The following ANKRD26 variants were observed in gnomAD, a reference collection of about 807,000 sequenced individuals.
ANKRD26 encodes the protein ankyrin repeat domain-containing protein 26.
Under a neutral mutation model 208.7 loss-of-function variants are expected in ANKRD26, and 141 were observed. The ratio of observed to expected loss-of-function variants is 0.68; its 90% CI spans 0.59 to 0.78. The LOEUF is 0.78. Among genes scored for constraint, ANKRD26 ranks in the 30% least tolerant of loss-of-function variants. The pLI is 0.00. For synonymous variants in ANKRD26, 636 were observed against 660.4 expected (o/e 0.96, Z 0.57); for missense variants, 1,889 against 1,938.7 (o/e 0.97, Z 0.48).
At chr10:26,977,641 G>C (rs903490769) in intron 5 of ANKRD26, among the ~76,000 whole-genome samples, 1 of 152,180 alleles carries the variant, frequency 6.6e-6, no homozygotes, top group African/African-American at 2.4e-5. Context: ...ACTAAGGATT[G>C]ATTGCCTTGT....
intron 20 of ANKRD26, 108 bp from the exon 21 acceptor site, chr10:27,040,286 G>A (rs969263009): frequency 1.2e-6 from 1 of 801,834 alleles, no homozygotes; most frequent in African/African-American, 1.7e-5. Context: ...CATATTGAGG[G>A]CCTACAATGT....
exon 5 of ANKRD26, chr10:26,995,087 T>C (rs1284889412): frequency 4.2e-6 from 2 of 471,040 alleles, no homozygotes; most frequent in East Asian, 6.9e-5. Context: ...AGGTCTGTCC[T>C]GGAAGTGAGA....
At chr10:27,050,397 T>C (rs2054614194) in intron 16 of ANKRD26, among the ~76,000 whole-genome samples, 1 of 152,118 alleles carries the variant, frequency 6.6e-6, no homozygotes, top group African/African-American at 2.4e-5. Context: ...CCCAAACTTA[T>C]CATACTTTAT....
intron 27 of ANKRD26, 43 bp downstream of exon 27, chr10:27,028,809 A>G (rs2053765044): frequency 1.3e-6 from 2 of 1,491,412 alleles, no homozygotes; most frequent in Non-Finnish European, 1.9e-6. Context: ...CTAAAGCAAT[A>G]AAATTCCTTT....
At chr10:27,039,414 A>T (rs932929859) in intron 21 of ANKRD26, among the ~76,000 whole-genome samples, 1 of 151,624 alleles carries the variant, frequency 6.6e-6, no homozygotes, top group Non-Finnish European at 1.5e-5. Context: ...AGATTGCGCC[A>T]CTGCACTCCA....
At chr10:27,092,875 G>A (rs2056345612) in intron 3 of ANKRD26, among the ~76,000 whole-genome samples, 1 of 152,154 alleles carries the variant, frequency 6.6e-6, no homozygotes, top group Non-Finnish European at 1.5e-5. Flanking sequence ...CTGAGGTCAG[G>A]AGTTCGAGGC....
At chr10:27,097,105 C>T (rs996290001) in intron 1 of ANKRD26, among the ~76,000 whole-genome samples, 25 of 151,910 alleles carry the variant, frequency 1.6e-4, no homozygotes, top group African/African-American at 4.8e-5. Flanking sequence ...TTGCTTGAAC[C>T]CAGGAGATGG....
chr10:27,015,114 TA>T (rs1040968173), intron 30 of ANKRD26, among the ~76,000 whole-genome samples: 3 of 152,238 alleles, frequency 2.0e-5, no homozygotes, highest in African/African-American at 7.2e-5. Context: ...AAAAATCTTA[TA>T]AAAATTATTT....
At chr10:27,005,761 A>G in intron 33 of ANKRD26, 38 bp from the exon 34 acceptor site, 1 of 1,583,330 alleles carries the variant, frequency 6.3e-7, no homozygotes, top group Non-Finnish European at 8.6e-7. Context: ...CCTTACCTAA[A>G]AGATTTCATA....
At chr10:27,007,319 A>C (rs1257962387) in intron 32 of ANKRD26, among the ~76,000 whole-genome samples, 1 of 152,186 alleles carries the variant, frequency 6.6e-6, no homozygotes, top group Non-Finnish European at 1.5e-5. Flanking sequence ...GACCTTTATA[A>C]AGCTTAATCA....
intron 28 of ANKRD26, 116 bp from the exon 29 acceptor site, chr10:27,022,803 C>G (rs34918850): frequency 3.1e-6 from 3 of 961,362 alleles, no homozygotes; most frequent in African/African-American, 3.3e-5. Context: ...ATGATTCTCT[C>G]GTTTATTTCA....
At position 27,066,810 on chromosome 10, in the gene ANKRD26, AT is replaced by A. The variant is rs112423515; in HGVS notation, c.1208-263del. Among the ~76,000 whole-genome samples, 199 of 143,722 alleles carry A rather than the reference AT, an allele frequency of 1.4e-3. 1 individual carries two copies. The highest frequency in any genetic ancestry group is 7.1e-3 in the Middle Eastern group (2 of 282). 94.3% of individuals were successfully genotyped at this position (143,722 alleles called of 152,430 possible). ...ATGTTAATTGGTTGTCTTAGAATAG[AT>A]TTTTTTTTTTTTTTGAGACAGAGTC... is the stretch of plus-strand genomic sequence containing the variant. On this transcript the variant is annotated intron_variant, in intron 10 of 33. Transcript: ENST00000376087.
At chr10:27,053,066 G>A (rs1459644238) in intron 16 of ANKRD26, among the ~76,000 whole-genome samples, 1 of 152,028 alleles carries the variant, frequency 6.6e-6, no homozygotes, top group Non-Finnish European at 1.5e-5. Flanking sequence ...CAATACTCAG[G>A]AAATTTCTGG....
At chr10:26,959,219 A>G in the ANKRD26 span, among the ~76,000 whole-genome samples, 1 of 151,510 alleles carries the variant, frequency 6.6e-6, no homozygotes, top group Non-Finnish European at 1.5e-5. Flanking sequence ...CGGAGGTTGC[A>G]GTGAGCCGAG....
intron 29 of ANKRD26, among the ~76,000 whole-genome samples, chr10:27,020,810 C>T (rs1406439651): frequency 1.3e-5 from 2 of 152,070 alleles, no homozygotes; most frequent in Non-Finnish European, 2.9e-5. Context: ...AGGCGTGTGC[C>T]GCTATGTCCA....
chr10:26,966,150 A>G, the ANKRD26 span, among the ~76,000 whole-genome samples: 1 of 152,236 alleles, frequency 6.6e-6, no homozygotes, highest in African/African-American at 2.4e-5. Flanking sequence ...CCAAAGGGCT[A>G]TAAGTCATTC....
chr10:27,018,296 G>A lies in ANKRD26; in HGVS notation c.4216-504C>T, dbSNP rs559990627. 2.6e-3 allele frequency among the ~76,000 whole-genome samples: 399 copies of A among 151,686 alleles called. 2 individuals carry two copies. Among genetic ancestry groups the A allele is most frequent in the African/African-American group, 8.5e-3 (351 of 41,324 alleles). On this transcript the variant is annotated intron_variant, in intron 29 of 33. Coordinates refer to ENST00000376087, the MANE Select transcript of ANKRD26 (RefSeq NM_014915.3). ...ACTACAGGCACCCACCACCAGGCCC[G>A]GCTAATTTTTTGTATTTTTAGTAGA...
chr10:27,043,588 T>C (rs981826539), intron 19 of ANKRD26, 21 bp from the exon 20 acceptor site: 1 of 1,605,834 alleles, frequency 6.2e-7, no homozygotes, highest in African/African-American at 1.3e-5. Context: ...AATAACACTG[T>C]TTCAAAATGT....
chr10:27,027,743 C>G (rs1346637408), intron 27 of ANKRD26, among the ~76,000 whole-genome samples: 1 of 152,110 alleles, frequency 6.6e-6, no homozygotes, highest in Non-Finnish European at 1.5e-5. Flanking sequence ...TTCTTACATA[C>G]AGATAGTCCC....
Sources: allele counts gnomAD v4.1 joint callset (sites outside exome capture counted in the v4.1 genomes callset), GRCh38; gene constraint gnomAD v4.1.1; transcripts MANE v1.5; gene names NCBI Gene and HGNC (gene_info 2026-07-23, HGNC 2026-07-21).